Variants in DUSP15 observed in about 807,000 individuals in gnomAD.
DUSP15 encodes the protein dual specificity phosphatase 15.
In DUSP15, 23 loss-of-function variants were observed where a neutral mutation model predicts 26.3. The ratio of observed to expected loss-of-function variants is 0.87; its 90% CI spans 0.63 to 1.24. DUSP15 has a LOEUF of 1.24. Among genes scored for constraint, DUSP15 ranks in the 50% most tolerant of loss-of-function variants. The pLI is 0.00. For missense variants in DUSP15, 364 were observed against 320.6 expected, an observed-to-expected ratio of 1.14 and a Z score of -1.03; for synonymous variants, 143 against 135.5, an observed-to-expected ratio of 1.06 and a Z score of -0.39.
intron 6 of DUSP15, among the ~76,000 whole-genome samples, chr20:31,854,281 G>A (rs1015564172): frequency 5.9e-5 from 9 of 152,192 alleles, no homozygotes; most frequent in African/African-American, 2.2e-4. Flanking sequence ...CCTTGTGGGT[G>A]CCAGGAGTGA....
intron 2 of DUSP15, among the ~76,000 whole-genome samples, chr20:31,869,225 G>A (rs1297374070): frequency 6.6e-6 from 1 of 152,228 alleles, no homozygotes; most frequent in Non-Finnish European, 1.5e-5. Flanking sequence ...AGGAGGCTGA[G>A]GCTTAGCGCA....
At chr20:31,850,085 A>C (rs932029556) in intron 7 of DUSP15, among the ~76,000 whole-genome samples, 2 of 152,240 alleles carry the variant, frequency 1.3e-5, no homozygotes, top group African/African-American at 4.8e-5. Context: ...CTGATAGTCG[A>C]GCTCTGCGGT....
rs1423441325 is a variant in DUSP15 at position 31,852,824 on chromosome 20, A to AG, written c.427-2149dup. On this transcript the variant is annotated intron_variant, in intron 6 of 9. Coordinates refer to the DUSP15 transcript ENST00000278979. ...GAAACTCCGTCTCAAAAGAAAAAAA[A>AG]GAACTTGGAGGCGTCCAGCTGGCTG... Among the ~76,000 whole-genome samples, 191 of 152,302 alleles carry AG rather than the reference A, an allele frequency of 1.3e-3. 1 individual carries two copies. Among genetic ancestry groups the AG allele is most frequent in the African/African-American group, 4.4e-3 (181 of 41,560 alleles).
intron 5 of DUSP15, among the ~76,000 whole-genome samples, chr20:31,863,390 G>A (rs746397737): frequency 5.9e-5 from 9 of 152,174 alleles, no homozygotes; most frequent in Admixed American, 1.3e-4. Flanking sequence ...TTGGGAAACC[G>A]GCCTCCTTGC....
rs1019182666 is a variant in DUSP15, at chr20:31,849,023, C to T, written c.629-120G>A. ...TGCCCAAGTCCTGTAAGCCCACATCCCATTGTGTGCCTGTACCCTAGGCCC... is the reference window on the plus strand; with the variant it reads ...TGCCCAAGTCCTGTAAGCCCACATCTCATTGTGTGCCTGTACCCTAGGCCC... On this transcript the variant is annotated intron_variant, in intron 8 of 9. Transcript: ENST00000278979. The T allele has an allele frequency of 1.3e-5, 10 of 759,162 alleles. No individual in the cohort carries two copies. In the African/African-American group the frequency reaches 1.8e-4, roughly 13 times the overall value. 47.0% of individuals were successfully genotyped at this position (759,162 alleles called of 1,614,324 possible). A position where few individuals can be genotyped will look rare whatever the true frequency, so the allele number is the denominator to read the frequency against.
chr20:31,856,994 A>G (rs1042717642), downstream of DUSP15, among the ~76,000 whole-genome samples: 1 of 152,062 alleles, frequency 6.6e-6, no homozygotes, highest in African/African-American at 2.4e-5. Context: ...GCCAAAGAAG[A>G]TGAAGACAGT....
downstream of DUSP15, among the ~76,000 whole-genome samples, chr20:31,859,646 C>T (rs549639609): frequency 5.1e-4 from 78 of 152,272 alleles, no homozygotes; most frequent in African/African-American, 1.8e-3. Context: ...ATGATGGGGG[C>T]CATGGAGGCT....
At chr20:31,860,913 T>A (rs2062635235), downstream of DUSP15, among the ~76,000 whole-genome samples, 1 of 152,188 alleles carries the variant, frequency 6.6e-6, no homozygotes, top group Non-Finnish European at 1.5e-5. Flanking sequence ...CTCCGCAGAC[T>A]GCAGTTGCGG....
intron 6 of DUSP15, among the ~76,000 whole-genome samples, chr20:31,862,165 TC>T (rs1040532025): frequency 6.6e-6 from 1 of 152,132 alleles, no homozygotes; most frequent in Non-Finnish European, 1.5e-5. Context: ...TCCTGACATT[TC>T]TACGTAGCAT....
chr20:31,861,709 G>T, intron 6 of DUSP15, 34 bp from the exon 7 acceptor site: 1 of 557,162 alleles, frequency 1.8e-6, no homozygotes, highest in Non-Finnish European at 2.3e-6. Flanking sequence ...CGGGGTCAAG[G>T]CCGGCGCGGG....
At chr20:31,867,737 C>G (rs1373038553) in intron 2 of DUSP15, among the ~76,000 whole-genome samples, 1 of 147,634 alleles carries the variant, frequency 6.8e-6, no homozygotes, top group African/African-American at 2.5e-5. Context: ...CTCTGCCTCC[C>G]GGGTTCACGC....
intron 3 of DUSP15, among the ~76,000 whole-genome samples, chr20:31,865,691 C>A (rs1568694356): frequency 6.6e-6 from 1 of 152,206 alleles, no homozygotes; most frequent in Admixed American, 6.5e-5. Flanking sequence ...TTGTCCATGG[C>A]TTTGTGTGAG....
chr20:31,848,484 C>T (rs45614631), exon 10 of DUSP15: 18,483 of 1,611,828 alleles, frequency 0.011, 145 homozygotes, highest in Non-Finnish European at 0.014. Context: ...TCGGGGTTGC[C>T]AGGGGTTGAG....
chr20:31,857,138 G>C (rs570751802), downstream of DUSP15, among the ~76,000 whole-genome samples: 1 of 152,040 alleles, frequency 6.6e-6, no homozygotes, highest in Non-Finnish European at 1.5e-5. Context: ...ACTGTGGAAG[G>C]AGGGGGAGGC....
exon 8 of DUSP15, chr20:31,849,778 G>GGCC: frequency 6.5e-7 from 1 of 1,539,146 alleles, no homozygotes; most frequent in South Asian, 1.2e-5. Context: ...GGCGCTCGGC[G>GGCC]GCCGCCCGCG....
chr20:31,850,986 G>C (rs945598540), intron 6 of DUSP15, among the ~76,000 whole-genome samples: 6 of 152,246 alleles, frequency 3.9e-5, no homozygotes, highest in Admixed American at 2.6e-4. Context: ...AGTGCAGAGA[G>C]GTCTGGGCGG....
intron 6 of DUSP15, among the ~76,000 whole-genome samples, chr20:31,852,968 C>T (rs896243373): frequency 6.6e-6 from 1 of 152,114 alleles, no homozygotes; most frequent in African/African-American, 2.4e-5. Flanking sequence ...GTGCACCATC[C>T]AGGCCTGGAG....
chr20:31,863,079 G>T (rs1001403150), intron 5 of DUSP15, among the ~76,000 whole-genome samples: 13 of 113,866 alleles, frequency 1.1e-4, no homozygotes, highest in Non-Finnish European at 2.5e-4. Context: ...TATGGCTGGG[G>T]GGGGGGGACA....
At chr20:31,855,775 T>C (rs1307481456) in intron 6 of DUSP15, among the ~76,000 whole-genome samples, 1 of 152,230 alleles carries the variant, frequency 6.6e-6, no homozygotes, top group Non-Finnish European at 1.5e-5. Flanking sequence ...GCTCATGGTC[T>C]GCTGGAGAAG....
Sources: allele counts gnomAD v4.1 joint callset (sites outside exome capture counted in the v4.1 genomes callset), GRCh38; gene constraint gnomAD v4.1.1; transcripts MANE v1.5; gene names NCBI Gene and HGNC (gene_info 2026-07-23, HGNC 2026-07-21).